APBA2: variants seen among roughly 807,000 people sequenced by gnomAD.
APBA2 encodes the protein amyloid beta precursor protein binding family A member 2, also known as amyloid-beta A4 precursor protein-binding family A member 2.
In APBA2, 30 loss-of-function variants were observed where a neutral mutation model predicts 75.0. The ratio of observed to expected loss-of-function variants is 0.40; its 90% CI spans 0.30 to 0.54. APBA2 has a LOEUF of 0.54. APBA2 is among the 20% of genes least tolerant of loss of function. The probability of loss-of-function intolerance (pLI) is 0.49; values close to 1 mark genes in which losing one functional copy is unlikely to be tolerated. For synonymous variants in APBA2, 444 were observed against 409.6 expected, an observed-to-expected ratio of 1.08 and a Z score of -1.01; for missense variants, 801 against 1,016.1, an observed-to-expected ratio of 0.79 and a Z score of 2.88.
intron 3 of APBA2, among the ~76,000 whole-genome samples, chr15:29,000,793 C>T (rs1028131711): frequency 1.3e-5 from 2 of 152,000 alleles, no homozygotes; most frequent in Non-Finnish European, 2.9e-5. Flanking sequence ...TGGGATTTTG[C>T]CATGTTGACC....
chr15:29,105,538 A>C lies in APBA2; in HGVS notation c.1684A>C (p.Asn562His). 6.2e-7 allele frequency: 1 copy of C among 1,613,576 alleles called. No individual in the cohort carries two copies. Among genetic ancestry groups the C allele is most frequent in the Admixed American group, 1.7e-5 (1 of 60,012 alleles). The change falls in exon 11 of 15, where the codon AAC becomes CAC. Residue 562 changes from asparagine to histidine, a missense_variant. Asn to His is a moderately conservative substitution (Grantham distance 68). This residue lies in a region of APBA2 where 367 missense variants were observed against 544.5 expected (regional missense o/e 0.67). Coordinates refer to ENST00000683413, the MANE Select transcript of APBA2 (RefSeq NM_001353788.2). Reference protein sequence around the residue: ...MYNDDLIHFSNSENCKELQLE... With the variant: ...MYNDDLIHFSHSENCKELQLE... ...CAACGACGACCTCATCCACTTCTCA[A>C]ACTCGGAGAACTGCAAGGAGGTAAG...
At chr15:29,085,961 A>C (rs2043274766) in intron 6 of APBA2, among the ~76,000 whole-genome samples, 1 of 152,164 alleles carries the variant, frequency 6.6e-6, no homozygotes, top group Non-Finnish European at 1.5e-5. Context: ...CATGGCTGTG[A>C]GTCCTTCCCT....
At chr15:29,078,905 A>G (rs769756338) in intron 6 of APBA2, among the ~76,000 whole-genome samples, 4 of 152,204 alleles carry the variant, frequency 2.6e-5, no homozygotes, top group African/African-American at 2.4e-5. Context: ...CTGCATGAGA[A>G]TCGGACCCTC....
At chr15:29,042,504 C>T (rs374697602) in intron 3 of APBA2, among the ~76,000 whole-genome samples, 36 of 152,128 alleles carry the variant, frequency 2.4e-4, no homozygotes, top group East Asian at 1.4e-3. Context: ...GTGATCCGCC[C>T]GCCTCGGCCT....
chr15:29,048,509 G>T (rs2041447582), intron 3 of APBA2, among the ~76,000 whole-genome samples: 2 of 152,032 alleles, frequency 1.3e-5, no homozygotes, highest in African/African-American at 4.8e-5. Flanking sequence ...AATAATGAGA[G>T]AGAACTTGCC....
chr15:28,975,725 A>G (rs74510812), intron 2 of APBA2, among the ~76,000 whole-genome samples: 291 of 152,374 alleles, frequency 1.9e-3, no homozygotes, highest in Middle Eastern at 3.4e-3. Context: ...CAGGTAATAA[A>G]CCAGTAGAAA....
At chr15:29,005,684 G>T (rs1245515500) in intron 3 of APBA2, among the ~76,000 whole-genome samples, 1 of 152,084 alleles carries the variant, frequency 6.6e-6, no homozygotes, top group Non-Finnish European at 1.5e-5. Flanking sequence ...GGCCAACATG[G>T]TGCAACCCCA....
At chr15:29,077,610 C>CA (rs1418733095) in intron 6 of APBA2, among the ~76,000 whole-genome samples, 1 of 152,200 alleles carries the variant, frequency 6.6e-6, no homozygotes, top group Non-Finnish European at 1.5e-5. Context: ...CTGCACCACT[C>CA]AGACTGTTCC....
chr15:28,924,871 C>T (rs974456696), intron 2 of APBA2, among the ~76,000 whole-genome samples: 7 of 152,128 alleles, frequency 4.6e-5, no homozygotes, highest in Non-Finnish European at 8.8e-5. Flanking sequence ...TTTACATTCC[C>T]GCCAGCACTG....
chr15:29,041,852 G>A (rs1258296403), intron 3 of APBA2, among the ~76,000 whole-genome samples: 2 of 152,126 alleles, frequency 1.3e-5, no homozygotes, highest in Non-Finnish European at 2.9e-5. Flanking sequence ...GATTACATGC[G>A]GGAGAATTTC....
At chr15:29,002,937 G>T (rs1042448455) in intron 3 of APBA2, among the ~76,000 whole-genome samples, 1 of 152,172 alleles carries the variant, frequency 6.6e-6, no homozygotes, top group Non-Finnish European at 1.5e-5. Context: ...ATTTCTGCGA[G>T]AGAGGGGGAA....
At chr15:28,981,592 G>A (rs759012208) in intron 2 of APBA2, among the ~76,000 whole-genome samples, 9 of 152,204 alleles carry the variant, frequency 5.9e-5, no homozygotes, top group Non-Finnish European at 1.0e-4. Flanking sequence ...TTGGAAAGCA[G>A]TTTGGAGATT....
chr15:29,031,099 G>A (rs986592444), intron 3 of APBA2, among the ~76,000 whole-genome samples: 1 of 151,740 alleles, frequency 6.6e-6, no homozygotes, highest in Non-Finnish European at 1.5e-5. Flanking sequence ...CACTTGTCTG[G>A]TGTATCTTTT....
intron 1 of APBA2, among the ~76,000 whole-genome samples, chr15:28,891,813 A>G (rs1158823303): frequency 6.6e-6 from 1 of 152,200 alleles, no homozygotes; most frequent in Non-Finnish European, 1.5e-5. Context: ...GCGTCACATG[A>G]CAGTGTTTTG....
chr15:28,933,086 C>G (rs78360247), intron 2 of APBA2, among the ~76,000 whole-genome samples: 18 of 152,258 alleles, frequency 1.2e-4, no homozygotes, highest in African/African-American at 4.3e-4. Flanking sequence ...TAGGAACCTG[C>G]TCCTCAGTCA....
chr15:28,903,708 G>A (rs532751459), intron 1 of APBA2, among the ~76,000 whole-genome samples: 1 of 152,326 alleles, frequency 6.6e-6, no homozygotes, highest in East Asian at 1.9e-4. Context: ...CTTGCGGCTG[G>A]CAATGACATC....
chr15:28,953,008 C>T lies in APBA2; in HGVS notation c.-95+31259C>T, dbSNP rs142554214. On this transcript the variant is annotated intron_variant, in intron 2 of 14. Transcript: ENST00000683413. The stretch of plus-strand genomic sequence containing the variant: ...ATTCATCAGGAAAAGGAAGAACAGG[C>T]GGGTCTTGTTGGTTACTCTGTGACC... Among the ~76,000 whole-genome samples the T allele has an allele frequency of 9.5e-3, 1,439 of 152,222 alleles. 18 individuals carry two copies. The highest frequency in any genetic ancestry group is 0.024 in the Middle Eastern group (7 of 294).
At chr15:29,023,879 A>G (rs1258991333) in intron 3 of APBA2, among the ~76,000 whole-genome samples, 1 of 150,238 alleles carries the variant, frequency 6.7e-6, no homozygotes, top group Non-Finnish European at 1.5e-5. Flanking sequence ...ATTTTATTAT[A>G]TTTGCTACTT....
chr15:29,027,633 T>C (rs1360308916), intron 3 of APBA2, among the ~76,000 whole-genome samples: 11 of 151,934 alleles, frequency 7.2e-5, no homozygotes, highest in African/African-American at 2.7e-4. Flanking sequence ...GAGGCAGTCT[T>C]GCTCTGTTGC....
Sources: gnomAD v4.1 joint callset for allele counts (sites outside exome capture counted in the v4.1 genomes callset) on GRCh38, gnomAD v4.1.1 for gene constraint, gnomAD v4.1.1 regional missense constraint, MANE v1.5 for transcripts, NCBI Gene and HGNC (gene_info 2026-07-23, HGNC 2026-07-21) for gene names.